Variants in PPP2R2B observed in about 807,000 individuals in gnomAD.
PPP2R2B encodes the protein serine/threonine-protein phosphatase 2A 55 kDa regulatory subunit B beta isoform.
PPP2R2B carries 5 observed loss-of-function variants against 46.0 expected under a neutral mutation model. That is an observed-to-expected ratio of 0.11 (90% CI 0.06 to 0.23). PPP2R2B has a LOEUF of 0.23. PPP2R2B is among the 10% of genes least tolerant of loss of function. The probability of loss-of-function intolerance (pLI) is 1.00; values close to 1 mark genes in which losing one functional copy is unlikely to be tolerated. For missense variants in PPP2R2B, 367 were observed against 575.0 expected (o/e 0.64, Z 3.70); for synonymous variants, 215 against 206.7 (o/e 1.04, Z -0.34).
At chr5:147,005,854 C>A (rs900467655) in intron 1 of PPP2R2B, among the ~76,000 whole-genome samples, 16 of 152,112 alleles carry the variant, frequency 1.1e-4, no homozygotes, top group African/African-American at 3.4e-4. Context: ...AAACAGTGTA[C>A]CCTATTCCTT....
intron 1 of PPP2R2B, among the ~76,000 whole-genome samples, chr5:146,986,078 A>G (rs892107063): frequency 3.3e-5 from 5 of 152,182 alleles, no homozygotes; most frequent in Non-Finnish European, 7.4e-5. Flanking sequence ...GTGAGAGATC[A>G]TACTACCTGA....
intron 1 of PPP2R2B, among the ~76,000 whole-genome samples, chr5:147,030,191 G>A (rs1390303365): frequency 2.0e-5 from 3 of 152,030 alleles, no homozygotes; most frequent in Non-Finnish European, 2.9e-5. Context: ...TTTTGGTATT[G>A]ATGTTTTGAC....
chr5:146,762,196 A>C (rs1754209237), intron 2 of PPP2R2B, among the ~76,000 whole-genome samples: 1 of 152,256 alleles, frequency 6.6e-6, no homozygotes, highest in African/African-American at 2.4e-5. Flanking sequence ...ATATTGGCTA[A>C]AACAAAAGAA....
intron 2 of PPP2R2B, among the ~76,000 whole-genome samples, chr5:146,769,885 A>G (rs1006418933): frequency 6.6e-6 from 1 of 152,222 alleles, no homozygotes; most frequent in African/African-American, 2.4e-5. Context: ...CATTAAAAAT[A>G]CACATGTACT....
At chr5:146,706,745 G>C in intron 2 of PPP2R2B, 1 of 805,912 alleles carries the variant, frequency 1.2e-6, no homozygotes, top group Non-Finnish European at 2.2e-6. Context: ...CCCAGCCAGC[G>C]TCTGCAGCTC....
intron 2 of PPP2R2B, among the ~76,000 whole-genome samples, chr5:146,862,087 T>G (rs2151394572): frequency 6.6e-6 from 1 of 152,226 alleles, no homozygotes; most frequent in South Asian, 2.1e-4. Context: ...GCCAGTACAG[T>G]TTCCAAGTGA....
chr5:146,912,238 CAAAA>C (rs35127306), intron 1 of PPP2R2B, among the ~76,000 whole-genome samples: 4 of 56,582 alleles, frequency 7.1e-5, no homozygotes, highest in African/African-American at 2.7e-4. Flanking sequence ...GGCTCCGTCT[CAAAA>C]AAAAAAAAAA....
intron 2 of PPP2R2B, among the ~76,000 whole-genome samples, chr5:146,747,780 A>G (rs932525755): frequency 1.3e-5 from 2 of 152,230 alleles, no homozygotes; most frequent in South Asian, 2.1e-4. Context: ...CTATGTTTCA[A>G]ACAGTTACTA....
At chr5:146,729,401 A>G (rs1195373618) in intron 2 of PPP2R2B, among the ~76,000 whole-genome samples, 2 of 152,118 alleles carry the variant, frequency 1.3e-5, no homozygotes, top group East Asian at 3.8e-4. Context: ...TGCAGCCTGA[A>G]TATGCAAAAA....
At chr5:146,888,950 C>A (rs1309592324) in intron 1 of PPP2R2B, among the ~76,000 whole-genome samples, 2 of 152,188 alleles carry the variant, frequency 1.3e-5, no homozygotes, top group Admixed American at 6.5e-5. Flanking sequence ...CACTCTCTAT[C>A]CCTATATTGC....
At chr5:146,796,568 G>A (rs913312088) in intron 2 of PPP2R2B, among the ~76,000 whole-genome samples, 1 of 152,186 alleles carries the variant, frequency 6.6e-6, no homozygotes, top group Admixed American at 6.5e-5. Flanking sequence ...CTAAAGATAA[G>A]CCACAGAATA....
chr5:146,729,949 G>A (rs1431377533), intron 2 of PPP2R2B, among the ~76,000 whole-genome samples: 1 of 152,196 alleles, frequency 6.6e-6, no homozygotes, highest in Non-Finnish European at 1.5e-5. Flanking sequence ...TAGTGAAGCT[G>A]TGAAAAGAGG....
intron 1 of PPP2R2B, among the ~76,000 whole-genome samples, chr5:147,050,514 C>G (rs574547697): frequency 1.3e-5 from 2 of 152,114 alleles, no homozygotes; most frequent in South Asian, 4.1e-4. Context: ...TGAACCCATT[C>G]TTAGCATGTA....
At chr5:146,808,036 G>A (rs1012479710) in intron 2 of PPP2R2B, among the ~76,000 whole-genome samples, 26 of 151,514 alleles carry the variant, frequency 1.7e-4, no homozygotes, top group African/African-American at 6.3e-4. Context: ...CCTGATCTCA[G>A]GTGATCTGCC....
intron 2 of PPP2R2B, among the ~76,000 whole-genome samples, chr5:146,769,115 C>A (rs941060664): frequency 6.6e-6 from 1 of 152,082 alleles, no homozygotes; most frequent in African/African-American, 2.4e-5. Flanking sequence ...TGGCCTCAAG[C>A]AATCTGCCTG....
At chr5:147,012,200 T>C (rs968166427) in intron 1 of PPP2R2B, among the ~76,000 whole-genome samples, 52 of 152,066 alleles carry the variant, frequency 3.4e-4, no homozygotes, top group Non-Finnish European at 6.3e-4. Flanking sequence ...TGTGAATTCA[T>C]CTGGTCCTGG....
chr5:146,830,680 T>A (rs946347729), intron 2 of PPP2R2B, among the ~76,000 whole-genome samples: 1 of 152,068 alleles, frequency 6.6e-6, no homozygotes, highest in Non-Finnish European at 1.5e-5. Context: ...CCATGTTGGC[T>A]AGGCTGGTCT....
intron 2 of PPP2R2B, among the ~76,000 whole-genome samples, chr5:146,804,090 C>G (rs999297219): frequency 6.6e-6 from 1 of 151,942 alleles, no homozygotes; most frequent in African/African-American, 2.4e-5. Context: ...TCGCTTGAAC[C>G]CGGGAGGTGG....
intron 2 of PPP2R2B, among the ~76,000 whole-genome samples, chr5:146,717,388 C>T (rs1200600314): frequency 6.6e-6 from 1 of 152,212 alleles, no homozygotes; most frequent in African/African-American, 2.4e-5. Context: ...TTGAAAAAGT[C>T]CATAACTATT....
Sources: allele counts gnomAD v4.1 joint callset (sites outside exome capture counted in the v4.1 genomes callset), GRCh38; gene constraint gnomAD v4.1.1; transcripts MANE v1.5; gene names NCBI Gene and HGNC (gene_info 2026-07-23, HGNC 2026-07-21).